The following RGCC variants were observed in gnomAD, a reference collection of about 807,000 sequenced individuals.
RGCC encodes regulator of cell cycle.
RGCC carries 15 observed loss-of-function variants against 15.4 expected under a neutral mutation model. The ratio of observed to expected loss-of-function variants is 0.97; its 90% confidence interval spans 0.65 to 1.50. The LOEUF (loss-of-function observed/expected upper bound fraction) is 1.50, where lower values mean the gene tolerates loss of function less well. Among genes scored for constraint, RGCC ranks in the 40% most tolerant of loss-of-function variants. The pLI, the probability that RGCC is intolerant of heterozygous loss-of-function variation, is 0.00. For missense variants in RGCC, 176 were observed against 189.7 expected (o/e 0.93, Z 0.42); for synonymous variants, 81 against 78.0 (o/e 1.04, Z -0.20).
At chr13:41,461,054 A>T (rs922923181) in intron 2 of RGCC, among the ~76,000 whole-genome samples, 7 of 152,246 alleles carry the variant, frequency 4.6e-5, no homozygotes, top group African/African-American at 1.7e-4. Context: ...CAGATAGGAA[A>T]GAAGAACAGA....
chr13:41,462,900 T>C, intron 2 of RGCC, among the ~76,000 whole-genome samples: 1 of 152,166 alleles, frequency 6.6e-6, no homozygotes, highest in East Asian at 1.9e-4. Flanking sequence ...TGAGAGTTTG[T>C]TCTTGGGAGG....
chr13:41,466,912 ACT>A lies in RGCC; in HGVS notation c.326_327del (p.Thr109SerfsTer7), dbSNP rs2043852290. 4.3e-6 allele frequency: 7 copies of A among 1,613,098 alleles called. No individual in the cohort carries two copies. Among genetic ancestry groups the A allele is most frequent in the African/African-American group, 1.3e-5 (1 of 75,034 alleles). On this transcript the variant is annotated frameshift_variant, in exon 3 of 5. Coordinates refer to ENST00000379359, the MANE Select transcript of RGCC (RefSeq NM_014059.3). LOFTEE classifies it high-confidence loss of function. ...TDSTPALLSA[T>X]VTPQKAKLGD... is the part of the protein sequence containing the mutation. ...CTCTACCCCAGCTCTTCTCTCTGCCACTGTCACTCCTCAGAAAGGTAAGGTCA... is the reference window on the plus strand; with the variant it reads ...CTCTACCCCAGCTCTTCTCTCTGCCAGTCACTCCTCAGAAAGGTAAGGTCA...
rs776172902 is a variant in RGCC, at chr13:41,457,565, C to A, written c.-143C>A. ...AGCCGGTGGTAGGGCGGGCGCGGAC[C>A]GTGCTGGGAGCGGCGCGGCTGGAGC... On this transcript the variant is annotated 5_prime_UTR_variant, in exon 1 of 5. Transcript: ENST00000379359. This position sits in a 1 kb window ranked among gnomAD's most constrained non-coding sequence, Gnocchi z 4.9. 10 of 1,341,962 alleles carry A rather than the reference C, an allele frequency of 7.5e-6. No homozygotes were observed. In the African/African-American group the frequency reaches 1.4e-4, roughly 19 times the overall value. 83.1% of individuals were successfully genotyped at this position (1,341,962 alleles called of 1,614,324 possible). A position where few individuals can be genotyped will look rare whatever the true frequency, so the allele number is the denominator to read the frequency against.
chr13:41,468,701 T>A, intron 3 of RGCC, 75 bp from the exon 4 acceptor site: 1 of 1,138,896 alleles, frequency 8.8e-7, no homozygotes, highest in Non-Finnish European at 1.3e-6. Flanking sequence ...GAAAACTCAA[T>A]ATGGAGTCAT....
At chr13:41,459,471 T>C (rs140577212) in intron 2 of RGCC, among the ~76,000 whole-genome samples, 34 of 152,324 alleles carry the variant, frequency 2.2e-4, no homozygotes, top group African/African-American at 7.9e-4. Context: ...TTTTGAAACC[T>C]GGAGCTCTTC....
chr13:41,458,244 C>A lies in RGCC; in HGVS notation c.50-41C>A, dbSNP rs752557731. ...GGCCCTGGGAGGTGGTCCCGCTGCC[C>A]CCCTGACTTCCGTGCACTGAGCCCC... is the stretch of plus-strand genomic sequence containing the variant. On this transcript the variant is annotated intron_variant, in intron 1 of 4. Coordinates refer to ENST00000379359, the MANE Select transcript of RGCC (RefSeq NM_014059.3). This position sits in a 1 kb window ranked among gnomAD's most constrained non-coding sequence, Gnocchi z 4.4. 2.6e-5 allele frequency: 39 copies of A among 1,500,350 alleles called. No homozygotes were observed. The highest frequency in any genetic ancestry group is 1.1e-5 in the Non-Finnish European group (12 of 1,120,986). The allele number at this position is 1,500,350 out of a possible 1,614,324, so 92.9% of individuals were successfully genotyped here. A position where few individuals can be genotyped will look rare whatever the true frequency, so the allele number is the denominator to read the frequency against.
At chr13:41,469,579 G>A (rs569470992) in intron 4 of RGCC, among the ~76,000 whole-genome samples, 18 of 152,210 alleles carry the variant, frequency 1.2e-4, no homozygotes, top group African/African-American at 4.1e-4. Context: ...CATGGGCCAG[G>A]GTAATTTTCC....
At chr13:41,469,286 T>G (rs548262288) in intron 4 of RGCC, among the ~76,000 whole-genome samples, 267 of 113,954 alleles carry the variant, frequency 2.3e-3, no homozygotes, top group East Asian at 0.019. Flanking sequence ...ATAATAATAA[T>G]AATAATAATA....
In RGCC at chr13:41,466,155, ACG is replaced by A. The variant is rs1566338302; in HGVS notation, c.236-666_236-665del. 4.3e-3 allele frequency among the ~76,000 whole-genome samples: 612 copies of A among 143,606 alleles called. 3 individuals carry two copies. The highest frequency in any genetic ancestry group is 0.016 in the African/African-American group (589 of 37,904). 94.2% of individuals were successfully genotyped at this position (143,606 alleles called of 152,430 possible). On this transcript the variant is annotated intron_variant, in intron 2 of 4. Transcript: ENST00000379359. ...TCTCACACACACTCCACACTCACAC[ACG>A]CACACACTCTCACACACTTTCTCAC...
At position 41,457,932 on chromosome 13, in the gene RGCC, C is replaced by G. The variant is rs543981747; in HGVS notation, c.49+176C>G. Among the ~76,000 whole-genome samples the G allele has an allele frequency of 1.3e-5, 2 of 151,928 alleles. No individual in the cohort carries two copies. Among genetic ancestry groups the G allele is most frequent in the East Asian group, 3.9e-4 (2 of 5,080 alleles). On this transcript the variant is annotated intron_variant, in intron 1 of 4. Transcript: ENST00000379359. This position sits in a 1 kb window ranked among gnomAD's most constrained non-coding sequence, Gnocchi z 4.9. ...GCCTCCTTTCCGGCCCGGGCTGGCC[C>G]CCATGTCCCACCTTCCCTCCACCAC...
intron 2 of RGCC, among the ~76,000 whole-genome samples, chr13:41,460,981 T>A (rs538844121): frequency 6.6e-6 from 1 of 152,282 alleles, no homozygotes; most frequent in East Asian, 1.9e-4. Context: ...TAAAAAAAAT[T>A]TAGGTTGCTT....
chr13:41,470,650 A>T lies in RGCC; in HGVS notation c.*165A>T. 1.5e-6 allele frequency: 1 copy of T among 668,414 alleles called. No homozygotes were observed. Among genetic ancestry groups the T allele is most frequent in the Non-Finnish European group, 2.6e-6 (1 of 378,276 alleles). 41.4% of individuals were successfully genotyped at this position (668,414 alleles called of 1,614,324 possible). ...CACCTTAAAATCAGCCCTTGATCCC[A>T]TTTCTGGGCAATTTAGACAGTGAAA... is the stretch of plus-strand genomic sequence containing the variant. On this transcript the variant is annotated 3_prime_UTR_variant, in exon 5 of 5. Transcript: ENST00000379359.
chr13:41,458,002 T>C lies in RGCC; in HGVS notation c.49+246T>C, dbSNP rs2043801233. On this transcript the variant is annotated intron_variant, in intron 1 of 4. Coordinates refer to ENST00000379359, the MANE Select transcript of RGCC (RefSeq NM_014059.3). The surrounding 1 kb of genome is among the most constrained non-coding windows in gnomAD (Gnocchi z 4.4). ...GGTTGGGGGGAGCGGCGGGGACAGG[T>C]AACCGGCAGCGCCTGGGGAGGAATC... Among the ~76,000 whole-genome samples the C allele has an allele frequency of 6.6e-6, 1 of 151,616 alleles. No individual in the cohort carries two copies. Among genetic ancestry groups the C allele is most frequent in the Non-Finnish European group, 1.5e-5 (1 of 67,814 alleles).
intron 2 of RGCC, among the ~76,000 whole-genome samples, chr13:41,463,469 CTGTGTGTG>C (rs67077388): frequency 0.075 from 9,028 of 121,002 alleles, 365 homozygotes; most frequent in East Asian, 0.11. Context: ...TAATGTGTAT[CTGTGTGTG>C]TGTGTGTGTG....
At position 41,458,565 on chromosome 13, in the gene RGCC, T is replaced by G. The variant is rs974715868; in HGVS notation, c.235+95T>G. Reference sequence around the variant, plus strand: ...GGCCTCAGTTTTCTTATCAGTAAACTGAGGAATGGTTTCCTGAAGCTCAAC... The same window carrying G: ...GGCCTCAGTTTTCTTATCAGTAAACGGAGGAATGGTTTCCTGAAGCTCAAC... On this transcript the variant is annotated intron_variant, in intron 2 of 4. Transcript: ENST00000379359. The surrounding 1 kb of genome is among the most constrained non-coding windows in gnomAD (Gnocchi z 4.4). 7.8e-6 allele frequency: 10 copies of G among 1,284,116 alleles called. No individual in the cohort carries two copies. Among genetic ancestry groups the G allele is most frequent in the East Asian group, 5.1e-5 (2 of 39,356 alleles). 79.5% of individuals were successfully genotyped at this position (1,284,116 alleles called of 1,614,324 possible). A position where few individuals can be genotyped will look rare whatever the true frequency, so the allele number is the denominator to read the frequency against.
chr13:41,458,390 A>G lies in RGCC; in HGVS notation c.155A>G (p.His52Arg). 1 of 1,600,146 alleles carries G rather than the reference A, an allele frequency of 6.2e-7. No individual in the cohort carries two copies. Among genetic ancestry groups the G allele is most frequent in the Non-Finnish European group, 8.5e-7 (1 of 1,178,476 alleles). The part of the protein sequence containing the change: ...FASPFHERHF[H>R]YEEHLERMKR... ...TCGCCCTTCCACGAGCGCCACTTCC[A>G]CTACGAGGAGCACCTGGAGCGCATG... The change falls in exon 2 of 5, where the codon CAC (histidine) becomes CGC (arginine). Residue 52 changes from histidine to arginine, a missense_variant. His to Arg is a conservative substitution (Grantham distance 29, BLOSUM62 0). Transcript: ENST00000379359. This position sits in a 1 kb window ranked among gnomAD's most constrained non-coding sequence, Gnocchi z 4.4.
At chr13:41,462,085 C>CCA (rs1443898743) in intron 2 of RGCC, among the ~76,000 whole-genome samples, 1 of 152,168 alleles carries the variant, frequency 6.6e-6, no homozygotes, top group East Asian at 1.9e-4. Flanking sequence ...AGAAGTCAAC[C>CCA]CACACCCCCA....
At chr13:41,462,857 AAG>A (rs1288998193) in intron 2 of RGCC, among the ~76,000 whole-genome samples, 2 of 152,170 alleles carry the variant, frequency 1.3e-5, no homozygotes, top group Non-Finnish European at 2.9e-5. Context: ...GTTAAGGGTA[AAG>A]AGAGGTCTAG....
intron 2 of RGCC, among the ~76,000 whole-genome samples, chr13:41,461,407 A>G (rs1227728243): frequency 6.6e-6 from 1 of 152,202 alleles, no homozygotes; most frequent in African/African-American, 2.4e-5. Context: ...TCTTTTCAGT[A>G]TTTTTAAAAC....
Sources: gnomAD v4.1 joint callset for allele counts (sites outside exome capture counted in the v4.1 genomes callset) on GRCh38, gnomAD v4.1.1 for gene constraint, Gnocchi (gnomAD v3.1) non-coding constraint, MANE v1.5 for transcripts, NCBI Gene and HGNC (gene_info 2026-07-23, HGNC 2026-07-21) for gene names.